Variants in STK3 observed in about 807,000 individuals in gnomAD.
STK3 encodes serine/threonine kinase 3.
Under a neutral mutation model 58.0 loss-of-function variants are expected in STK3, and 41 were observed. That is an observed-to-expected ratio of 0.71 (90% CI 0.55 to 0.92). The LOEUF (loss-of-function observed/expected upper bound fraction) is 0.92, where lower values mean the gene tolerates loss of function less well. Among genes scored for constraint, STK3 ranks in the 40% least tolerant of loss-of-function variants. The pLI is 0.00. For missense variants in STK3, 479 were observed against 602.7 expected, an observed-to-expected ratio of 0.79 and a Z score of 2.15; for synonymous variants, 170 against 191.0, an observed-to-expected ratio of 0.89 and a Z score of 0.91.
chr8:98,627,647 C>T (rs530343188), intron 6 of STK3, among the ~76,000 whole-genome samples: 2 of 152,218 alleles, frequency 1.3e-5, no homozygotes, highest in South Asian at 4.2e-4. Flanking sequence ...CAAGCAGATG[C>T]TGGCATCATG....
At chr8:98,783,410 G>A (rs1832245432) in intron 1 of STK3, among the ~76,000 whole-genome samples, 1 of 152,094 alleles carries the variant, frequency 6.6e-6, no homozygotes, top group African/African-American at 2.4e-5. Flanking sequence ...CACCTACTAT[G>A]TACCCATAAA....
At chr8:98,606,359 G>A (rs1373630425) in intron 6 of STK3, 4 of 152,238 alleles carry the variant, frequency 2.6e-5, no homozygotes, top group Non-Finnish European at 5.9e-5. Flanking sequence ...CTCCCTGGAA[G>A]TCCAACACAA....
At chr8:98,867,395 T>C (rs113236825) in intron 3 of STK3, among the ~76,000 whole-genome samples, 1 of 152,184 alleles carries the variant, frequency 6.6e-6, no homozygotes, top group Non-Finnish European at 1.5e-5. Flanking sequence ...GCCTGGGTGA[T>C]AGGAGTGAAA....
intron 1 of STK3, among the ~76,000 whole-genome samples, chr8:98,814,181 G>A (rs1180533995): frequency 1.3e-5 from 2 of 152,038 alleles, no homozygotes; most frequent in Non-Finnish European, 2.9e-5. Flanking sequence ...CCGAGTAGCT[G>A]GGACTACAGG....
At chr8:98,814,172 C>T (rs755115725) in intron 1 of STK3, among the ~76,000 whole-genome samples, 2 of 151,990 alleles carry the variant, frequency 1.3e-5, no homozygotes, top group African/African-American at 4.8e-5. Context: ...CTCAGCCTCC[C>T]GAGTAGCTGG....
chr8:98,378,000 G>A (rs1020230878), intron 2 of STK3, among the ~76,000 whole-genome samples: 108 of 152,140 alleles, frequency 7.1e-4, no homozygotes, highest in African/African-American at 2.5e-3. Flanking sequence ...GTGCCCAGTT[G>A]ACTTCAAGAG....
At chr8:98,582,352 T>C (rs1353189782) in intron 7 of STK3, among the ~76,000 whole-genome samples, 1 of 151,958 alleles carries the variant, frequency 6.6e-6, no homozygotes, top group African/African-American at 2.4e-5. Context: ...ATTTTTTAGT[T>C]TCCGTTTTTT....
At chr8:98,833,467 T>C (rs1317885241) in intron 3 of STK3, among the ~76,000 whole-genome samples, 1 of 152,190 alleles carries the variant, frequency 6.6e-6, no homozygotes, top group Non-Finnish European at 1.5e-5. Context: ...CAGGAAAAGA[T>C]ATGGAAAGGG....
intron 1 of STK3, among the ~76,000 whole-genome samples, 186 bp from the exon 2 acceptor site, chr8:98,775,005 C>T (rs1413726869): frequency 6.6e-6 from 1 of 152,094 alleles, no homozygotes; most frequent in Non-Finnish European, 1.5e-5. Flanking sequence ...CCAGCAACAC[C>T]TCCAAAAATA....
intron 3 of STK3, among the ~76,000 whole-genome samples, chr8:98,864,197 CAAAAAAAAA>C (rs35196007): frequency 2.1e-4 from 8 of 37,446 alleles, no homozygotes; most frequent in South Asian, 1.1e-3. Context: ...GACTCCTTCT[CAAAAAAAAA>C]AAAAAAAAAA....
In STK3 at chr8:98,761,759, C is replaced by T. The variant is rs183043632; in HGVS notation, c.236+5484G>A. On this transcript the variant is annotated intron_variant, in intron 3 of 10. Coordinates refer to ENST00000419617, the MANE Select transcript of STK3 (RefSeq NM_006281.4). ...ATACAAATTGCCAAAGTTCAAATTG[C>T]TGATACAAATTGCCAAAGTTCATCA... Among the ~76,000 whole-genome samples the T allele has an allele frequency of 4.4e-3, 670 of 152,312 alleles. 4 individuals are homozygous for T. The highest frequency in any genetic ancestry group is 6.7e-3 in the Non-Finnish European group (458 of 68,030).
At chr8:98,616,633 G>A in intron 6 of STK3, among the ~76,000 whole-genome samples, 1 of 146,448 alleles carries the variant, frequency 6.8e-6, no homozygotes, top group Non-Finnish European at 1.5e-5. Context: ...CAAGCAAATG[G>A]AAAACAAAAA....
intron 4 of STK3, among the ~76,000 whole-genome samples, chr8:98,716,145 G>A (rs1257941886): frequency 1.3e-5 from 2 of 152,170 alleles, no homozygotes; most frequent in East Asian, 3.8e-4. Context: ...GGGGTGTGGG[G>A]AGTGGGGAGC....
chr8:98,560,534 A>G (rs1464518398), intron 8 of STK3, among the ~76,000 whole-genome samples: 1 of 152,176 alleles, frequency 6.6e-6, no homozygotes, highest in Admixed American at 6.6e-5. Flanking sequence ...AAAATAAAAG[A>G]TGATCTAAAT....
At chr8:98,835,500 G>A (rs1451479622) in intron 3 of STK3, among the ~76,000 whole-genome samples, 1 of 152,156 alleles carries the variant, frequency 6.6e-6, no homozygotes, top group Non-Finnish European at 1.5e-5. Flanking sequence ...TGCAACACAT[G>A]TACCTTCATC....
intron 1 of STK3, among the ~76,000 whole-genome samples, chr8:98,776,770 G>T (rs1176175702): frequency 6.6e-6 from 1 of 151,494 alleles, no homozygotes; most frequent in Non-Finnish European, 1.5e-5. Flanking sequence ...AAAAAAAATA[G>T]GCCAGGAGCG....
At chr8:98,547,920 T>C (rs1467790276) in intron 9 of STK3, 49 bp downstream of exon 9, 2 of 1,443,308 alleles carry the variant, frequency 1.4e-6, no homozygotes, top group East Asian at 5.1e-5. Flanking sequence ...CCTATAAAAG[T>C]ATCCTTTCGA....
chr8:98,643,660 A>G (rs1820190511), intron 6 of STK3, among the ~76,000 whole-genome samples: 1 of 152,246 alleles, frequency 6.6e-6, no homozygotes, highest in East Asian at 1.9e-4. Flanking sequence ...ACTCAAGGCT[A>G]TATATCCTGC....
chr8:98,755,558 C>A (rs1237984885), intron 3 of STK3, among the ~76,000 whole-genome samples: 1 of 152,178 alleles, frequency 6.6e-6, no homozygotes, highest in Non-Finnish European at 1.5e-5. Flanking sequence ...GATAAGTGAG[C>A]TTTAACAATA....
Sources: allele counts gnomAD v4.1 joint callset (sites outside exome capture counted in the v4.1 genomes callset), GRCh38; gene constraint gnomAD v4.1.1; transcripts MANE v1.5; gene names NCBI Gene and HGNC (gene_info 2026-07-23, HGNC 2026-07-21).